Variants in CADM2 observed in about 807,000 individuals in gnomAD.
CADM2 encodes immunoglobulin superfamily member 4D.
Under a neutral mutation model 49.8 loss-of-function variants are expected in CADM2, and 12 were observed. The observed-to-expected ratio is 0.24, with a 90% CI of 0.15 to 0.39. The LOEUF is 0.39. Among genes scored for constraint, CADM2 ranks in the 10% least tolerant of loss-of-function variants. The pLI, the probability that CADM2 is intolerant of heterozygous loss-of-function variation, is 1.00. For synonymous variants in CADM2, 214 were observed against 175.4 expected (o/e 1.22, Z -1.74); for missense variants, 378 against 492.3 (o/e 0.77, Z 2.20).
At chr3:86,021,320 A>G (rs914470242) in intron 8 of CADM2, among the ~76,000 whole-genome samples, 10 of 152,026 alleles carry the variant, frequency 6.6e-5, no homozygotes, top group Non-Finnish European at 1.5e-4. Context: ...TTTTGTATCC[A>G]TCCACTTCAA....
At chr3:85,097,515 A>G (rs961089531) in intron 1 of CADM2, among the ~76,000 whole-genome samples, 1 of 152,226 alleles carries the variant, frequency 6.6e-6, no homozygotes, top group African/African-American at 2.4e-5. Context: ...GTATGTACCC[A>G]GCAATGGGAT....
chr3:85,211,467 T>C, intron 1 of CADM2, among the ~76,000 whole-genome samples: 1 of 152,126 alleles, frequency 6.6e-6, no homozygotes, highest in Non-Finnish European at 1.5e-5. Flanking sequence ...TTGTATTTTA[T>C]AGGTTTAGTA....
intron 1 of CADM2, among the ~76,000 whole-genome samples, chr3:84,970,219 T>G (rs1227149777): frequency 2.0e-5 from 3 of 151,750 alleles, no homozygotes; most frequent in Admixed American, 1.3e-4. Flanking sequence ...GTTTTTAATG[T>G]TTAGTTATTT....
chr3:85,600,548 C>A (rs2063361828), intron 1 of CADM2, among the ~76,000 whole-genome samples: 1 of 151,782 alleles, frequency 6.6e-6, no homozygotes, highest in African/African-American at 2.4e-5. Flanking sequence ...GAGATTCTTA[C>A]AACTTTGAAC....
At chr3:85,770,927 A>G in intron 2 of CADM2, among the ~76,000 whole-genome samples, 1 of 152,192 alleles carries the variant, frequency 6.6e-6, no homozygotes, top group East Asian at 1.9e-4. Context: ...TTAAGTTAGC[A>G]ATGTAATAAA....
At chr3:85,406,367 C>A (rs574209082) in intron 1 of CADM2, among the ~76,000 whole-genome samples, 2 of 152,142 alleles carry the variant, frequency 1.3e-5, no homozygotes, top group Admixed American at 1.3e-4. Context: ...GAAAAAAATT[C>A]TATAAAATTA....
intron 1 of CADM2, among the ~76,000 whole-genome samples, chr3:85,198,372 A>T (rs567283947): frequency 6.6e-6 from 1 of 151,222 alleles, no homozygotes; most frequent in East Asian, 1.9e-4. Flanking sequence ...TCTTTTGATT[A>T]TATTCACTTA....
chr3:85,369,725 G>T (rs1379403462), intron 1 of CADM2, among the ~76,000 whole-genome samples: 1 of 152,064 alleles, frequency 6.6e-6, no homozygotes. Context: ...AATCTATGGA[G>T]GTATTAAATA....
intron 1 of CADM2, among the ~76,000 whole-genome samples, chr3:85,225,998 T>G (rs1576161309): frequency 6.6e-6 from 1 of 152,322 alleles, no homozygotes; most frequent in South Asian, 2.1e-4. Context: ...GTGGATTCAG[T>G]TTGCCAGTAT....
At chr3:85,097,967 G>C (rs1006574436) in intron 1 of CADM2, among the ~76,000 whole-genome samples, 1 of 152,008 alleles carries the variant, frequency 6.6e-6, no homozygotes, top group Non-Finnish European at 1.5e-5. Context: ...TGAGGATTGT[G>C]GAATAAACTC....
intron 8 of CADM2, among the ~76,000 whole-genome samples, chr3:86,008,863 A>T (rs563540895): frequency 1.3e-5 from 2 of 152,020 alleles, no homozygotes; most frequent in African/African-American, 4.8e-5. Context: ...ATGGATTATC[A>T]TCTATAAAAG....
At chr3:85,173,438 C>G (rs958125017) in intron 1 of CADM2, among the ~76,000 whole-genome samples, 2 of 152,076 alleles carry the variant, frequency 1.3e-5, no homozygotes, top group African/African-American at 4.8e-5. Context: ...ATAAGCATTA[C>G]TAACTCATTT....
chr3:85,794,747 C>A (rs547628617), intron 2 of CADM2, among the ~76,000 whole-genome samples: 2 of 152,060 alleles, frequency 1.3e-5, no homozygotes, highest in African/African-American at 4.8e-5. Flanking sequence ...TAAACAAGAT[C>A]CATACTGTAC....
At chr3:85,967,573 A>G (rs1725624749) in intron 8 of CADM2, among the ~76,000 whole-genome samples, 1 of 151,606 alleles carries the variant, frequency 6.6e-6, no homozygotes, top group South Asian at 2.1e-4. Flanking sequence ...TCTTAGAGAG[A>G]TATATCTCTC....
At chr3:85,275,173 C>A (rs1459860689) in intron 1 of CADM2, among the ~76,000 whole-genome samples, 2 of 151,458 alleles carry the variant, frequency 1.3e-5, no homozygotes. Context: ...TAAGCAAGTA[C>A]CTTGCTGAAT....
intron 8 of CADM2, among the ~76,000 whole-genome samples, chr3:85,977,815 G>A (rs1037994466): frequency 6.6e-6 from 1 of 151,510 alleles, no homozygotes; most frequent in Non-Finnish European, 1.5e-5. Flanking sequence ...TGGCCAGGAA[G>A]CATTTTCCCT....
At chr3:85,060,639 C>T (rs1011353179) in intron 1 of CADM2, among the ~76,000 whole-genome samples, 2 of 151,886 alleles carry the variant, frequency 1.3e-5, no homozygotes, top group African/African-American at 4.8e-5. Context: ...ATATTTCAAG[C>T]CAAGGATACA....
chr3:85,467,672 A>T (rs2038559284), intron 1 of CADM2, among the ~76,000 whole-genome samples: 1 of 152,182 alleles, frequency 6.6e-6, no homozygotes, highest in Non-Finnish European at 1.5e-5. Context: ...GAAATTACTA[A>T]TTGTGAGCTA....
intron 1 of CADM2, among the ~76,000 whole-genome samples, chr3:85,191,228 T>G (rs549480691): frequency 1.3e-5 from 2 of 152,158 alleles, no homozygotes; most frequent in Admixed American, 1.3e-4. Context: ...ATTCAAAGTT[T>G]CATTCTTTAT....
Sources: gnomAD v4.1 joint callset for allele counts (sites outside exome capture counted in the v4.1 genomes callset) on GRCh38, gnomAD v4.1.1 for gene constraint, MANE v1.5 for transcripts, NCBI Gene and HGNC (gene_info 2026-07-23, HGNC 2026-07-21) for gene names.